WFDC5: variants seen among roughly 807,000 people sequenced by gnomAD.
The protein encoded by WFDC5 is WAP four-disulfide core domain protein 5.
Under a neutral mutation model 15.7 loss-of-function variants are expected in WFDC5, and 15 were observed. The ratio of observed to expected loss-of-function variants is 0.96; its 90% CI spans 0.64 to 1.47. The LOEUF is 1.47. Ranked by LOEUF, WFDC5 falls within the 40% of genes most tolerant of loss-of-function variation. The pLI is 0.00. For synonymous variants in WFDC5, 109 were observed against 107.7 expected (o/e 1.01, Z -0.07); for missense variants, 280 against 258.0 (o/e 1.09, Z -0.59).
At chr20:45,112,743 A>C (rs1981656148) in intron 1 of WFDC5, among the ~76,000 whole-genome samples, 1 of 152,260 alleles carries the variant, frequency 6.6e-6, no homozygotes, top group Non-Finnish European at 1.5e-5. Context: ...CAGGCTTAAC[A>C]GTAGGAAACT....
At chr20:45,114,746 C>G (rs1025752335) in intron 1 of WFDC5, among the ~76,000 whole-genome samples, 4 of 151,908 alleles carry the variant, frequency 2.6e-5, no homozygotes, top group African/African-American at 7.3e-5. Context: ...AGACAAGCAC[C>G]GAGAAACTGG....
intron 3 of WFDC5, 121 bp from the exon 4 acceptor site, chr20:45,110,134 G>GC: frequency 7.1e-7 from 1 of 1,415,760 alleles, no homozygotes; most frequent in Non-Finnish European, 9.5e-7. Context: ...GGATTCCTCT[G>GC]CCCCCTTCAA....
intron 1 of WFDC5, among the ~76,000 whole-genome samples, chr20:45,112,004 G>A (rs956875996): frequency 6.6e-6 from 1 of 152,184 alleles, no homozygotes; most frequent in Non-Finnish European, 1.5e-5. Flanking sequence ...TCAGCCCCCT[G>A]CCTGGGTGCT....
intron 1 of WFDC5, among the ~76,000 whole-genome samples, chr20:45,112,203 G>A (rs1408094569): frequency 6.6e-6 from 1 of 152,186 alleles, no homozygotes. Flanking sequence ...GAAACTGTCT[G>A]AGGTCCAAGG....
chr20:45,111,735 T>G (rs1385358666), intron 1 of WFDC5, among the ~76,000 whole-genome samples: 1 of 152,090 alleles, frequency 6.6e-6, no homozygotes, highest in East Asian at 1.9e-4. Context: ...GAAATCAGTA[T>G]CCTCCTCCAT....
At chr20:45,113,355 C>T (rs1054546847) in intron 1 of WFDC5, among the ~76,000 whole-genome samples, 1 of 152,212 alleles carries the variant, frequency 6.6e-6, no homozygotes, top group Non-Finnish European at 1.5e-5. Context: ...AGGAGAGAAA[C>T]CAGTGGGGGA....
exon 4 of WFDC5, chr20:45,109,528 G>C: frequency 1.8e-6 from 1 of 546,034 alleles, no homozygotes. Flanking sequence ...TTAAGTAAAT[G>C]GTGGTACAGG....
At chr20:45,110,059 T>C in intron 3 of WFDC5, 46 bp from the exon 4 acceptor site, 1 of 1,590,802 alleles carries the variant, frequency 6.3e-7, no homozygotes, top group African/African-American at 1.3e-5. Flanking sequence ...ATAATAGGGC[T>C]CTGGTTTCTG....
upstream of WFDC5, among the ~76,000 whole-genome samples, chr20:45,115,440 A>T (rs1600611942): frequency 6.6e-6 from 1 of 152,122 alleles, no homozygotes; most frequent in East Asian, 1.9e-4. Context: ...GCTCTCAAAG[A>T]TGTTGAAGCC....
At position 45,110,719 on chromosome 20, in the gene WFDC5, G is replaced by T. The variant is rs1981593065; in HGVS notation, c.142C>A (p.Gln48Lys). The T allele has an allele frequency of 6.2e-7, 1 of 1,614,052 alleles. No individual in the cohort carries two copies. Among genetic ancestry groups the T allele is most frequent in the Non-Finnish European group, 8.5e-7 (1 of 1,180,036 alleles). Residue 48 changes from glutamine (Q) to lysine (K), a missense_variant, in exon 2 of 4, where the codon CAG becomes AAG. Transcript: ENST00000307971. ...GGACACTGGCTGTCTTCCACGCACTGGTCAGGCACCGATAGGAGGCAGGGC... is the reference window on the plus strand; with the variant it reads ...GGACACTGGCTGTCTTCCACGCACTTGTCAGGCACCGATAGGAGGCAGGGC...
chr20:45,109,755 T>C (rs2145522958), exon 4 of WFDC5: 5 of 719,324 alleles, frequency 7.0e-6, no homozygotes, highest in Non-Finnish European at 1.0e-5. Flanking sequence ...GAAGCTCGTA[T>C]GGCAGTGGTG....
At chr20:45,110,096 C>T (rs969147777) in intron 3 of WFDC5, 83 bp from the exon 4 acceptor site, 4 of 1,543,900 alleles carry the variant, frequency 2.6e-6, no homozygotes, top group South Asian at 1.2e-5. Flanking sequence ...CATGCCCCAC[C>T]AGCTCAGCTC....
chr20:45,115,240 A>G, upstream of WFDC5: 2 of 613,420 alleles, frequency 3.3e-6, no homozygotes, highest in Admixed American at 5.9e-5. Flanking sequence ...CCGAGGACTC[A>G]GTGCAAGGGA....
chr20:45,115,390 C>T (rs542583636), upstream of WFDC5, among the ~76,000 whole-genome samples: 2 of 152,270 alleles, frequency 1.3e-5, no homozygotes, highest in Admixed American at 6.5e-5. Context: ...TTCATCTGTA[C>T]ACAGGGTGAA....
chr20:45,110,625 A>C lies in WFDC5; in HGVS notation c.226+10T>G. 1.9e-6 allele frequency: 3 copies of C among 1,613,944 alleles called. No homozygotes were observed. The highest frequency in any genetic ancestry group is 2.5e-6 in the Non-Finnish European group (3 of 1,179,932). On this transcript the variant is annotated intron_variant, in intron 2 of 3. Coordinates refer to ENST00000307971, the Ensembl canonical transcript of WFDC5. Reference sequence around the variant, plus strand: ...TTGGATGGTCAGCAAGGTGGAGGGGAGGCATTTACCAGAGACCCTGGGGAC... The same window carrying C: ...TTGGATGGTCAGCAAGGTGGAGGGGCGGCATTTACCAGAGACCCTGGGGAC...
At chr20:45,112,600 G>C (rs182786689) in intron 1 of WFDC5, among the ~76,000 whole-genome samples, 1 of 152,132 alleles carries the variant, frequency 6.6e-6, no homozygotes, top group South Asian at 2.1e-4. Flanking sequence ...AGATGCATGC[G>C]CCATGGGTGT....
At chr20:45,116,160 C>T (rs756791652), upstream of WFDC5, among the ~76,000 whole-genome samples, 1 of 152,132 alleles carries the variant, frequency 6.6e-6, no homozygotes. Context: ...TATTACAGGG[C>T]TTGTCTCACT....
chr20:45,110,411 TC>T lies in WFDC5; in HGVS notation c.355del (p.Asp119IlefsTer18). On this transcript the variant is annotated frameshift_variant, in exon 3 of 4. Transcript: ENST00000307971. LOFTEE classifies it low-confidence loss of function (END_TRUNC). ...CCCAGGAGCCGTACCTCTGGCAGGA[TC>T]CCGGCAATCCCGCCCGCAGGCGCTG... 1.9e-6 allele frequency: 3 copies of T among 1,604,796 alleles called. No individual in the cohort carries two copies. Among genetic ancestry groups the T allele is most frequent in the Non-Finnish European group, 1.7e-6 (2 of 1,176,154 alleles).
exon 4 of WFDC5, chr20:45,109,798 C>T (rs542657459): frequency 3.5e-5 from 26 of 747,854 alleles, no homozygotes; most frequent in Middle Eastern, 2.2e-4. Flanking sequence ...GGCCTTCCTC[C>T]GAGCTCAGGC....
Sources: allele counts gnomAD v4.1 joint callset (sites outside exome capture counted in the v4.1 genomes callset), GRCh38; gene constraint gnomAD v4.1.1; transcripts MANE v1.5; gene names NCBI Gene and HGNC (gene_info 2026-07-23, HGNC 2026-07-21).